LINGO1: variants seen among roughly 807,000 people sequenced by gnomAD.
LINGO1 encodes leucine-rich repeat and immunoglobulin-like domain-containing nogo receptor-interacting protein 1.
A neutral mutation model predicts 37.3 loss-of-function variants in LINGO1; 11 were observed. The ratio of observed to expected loss-of-function variants is 0.29; its 90% CI spans 0.19 to 0.49. LINGO1 has a LOEUF of 0.49. Ranked by LOEUF, LINGO1 falls within the 20% of genes least tolerant of loss-of-function variation. LINGO1 has a pLI of 0.99. For missense variants in LINGO1, 585 were observed against 878.2 expected, an observed-to-expected ratio of 0.67 and a Z score of 4.22; for synonymous variants, 387 against 403.0, an observed-to-expected ratio of 0.96 and a Z score of 0.48.
intron 1 of LINGO1, among the ~76,000 whole-genome samples, chr15:77,766,297 CAAA>C (rs71447163): frequency 2.0e-5 from 1 of 49,068 alleles, no homozygotes; most frequent in African/African-American, 8.4e-5. Context: ...GACCCTGTCT[CAAA>C]AAAAAAAAAA....
chr15:77,632,926 G>A (rs1467758099), upstream of LINGO1, among the ~76,000 whole-genome samples: 1 of 151,332 alleles, frequency 6.6e-6, no homozygotes, highest in East Asian at 2.0e-4. This position sits in a 1 kb window ranked among gnomAD's most constrained non-coding sequence, Gnocchi z 6.0. Context: ...AGCGAGCCAG[G>A]GAGGGAGGAG....
chr15:77,759,739 G>A (rs1332452838), intron 1 of LINGO1, among the ~76,000 whole-genome samples: 1 of 152,228 alleles, frequency 6.6e-6, no homozygotes, highest in Non-Finnish European at 1.5e-5. Flanking sequence ...GTTTACATGG[G>A]GGCGTCTACC....
chr15:77,754,700 T>C (rs2076403389), intron 1 of LINGO1, among the ~76,000 whole-genome samples: 1 of 152,302 alleles, frequency 6.6e-6, no homozygotes, highest in African/African-American at 2.4e-5. Flanking sequence ...CCTCCAGCCC[T>C]AGGCCCTGCC....
At chr15:77,801,593 G>GGTT (rs2076919159) in intron 1 of LINGO1, among the ~76,000 whole-genome samples, 1 of 147,822 alleles carries the variant, frequency 6.8e-6, no homozygotes, top group East Asian at 2.0e-4. Context: ...GAGTTAATGG[G>GGTT]TTTTTTTTTT....
At chr15:77,776,446 TTAGCAGGAAGGC>T (rs1289823145) in intron 1 of LINGO1, among the ~76,000 whole-genome samples, 72 of 17,764 alleles carry the variant, frequency 4.1e-3, no homozygotes, top group African/African-American at 0.013. Context: ...TCCCGGGGCT[TTAGCAGGAAGGC>T]AGGAAGGCAG....
chr15:77,671,172 GCC>G (rs10574052), intron 3 of LINGO1, among the ~76,000 whole-genome samples: 114,882 of 151,714 alleles, frequency 0.76, 44,529 homozygotes, highest in African/African-American at 0.93. Flanking sequence ...TGACTGTGGA[GCC>G]CTACCCAGGA....
chr15:77,753,448 G>A lies in LINGO1; in HGVS notation c.-256-18395C>T, dbSNP rs116636091. Among the ~76,000 whole-genome samples the A allele has an allele frequency of 4.9e-3, 749 of 152,348 alleles. 7 individuals carry two copies. Among genetic ancestry groups the A allele is most frequent in the African/African-American group, 0.017 (692 of 41,572 alleles). Reference sequence around the variant, plus strand: ...CTCTGCGGGCCTGGCTGAGCCAGGCGCTGTTCATGGTGCTGAATCTGGGAG... The same window carrying A: ...CTCTGCGGGCCTGGCTGAGCCAGGCACTGTTCATGGTGCTGAATCTGGGAG... On this transcript the variant is annotated intron_variant, in intron 1 of 3. Transcript: ENST00000561686.
At chr15:77,782,551 C>T (rs1486399989) in intron 1 of LINGO1, among the ~76,000 whole-genome samples, 1 of 152,158 alleles carries the variant, frequency 6.6e-6, no homozygotes. Context: ...TTACTGGCTC[C>T]TCAAACCCGG....
upstream of LINGO1, among the ~76,000 whole-genome samples, chr15:77,635,268 CCT>C (rs1377311821): frequency 1.3e-5 from 2 of 152,220 alleles, no homozygotes; most frequent in Non-Finnish European, 2.9e-5. Context: ...CCCAGCTCTC[CCT>C]GTTTTATTCC....
At chr15:77,729,712 T>C (rs1055091198) in intron 2 of LINGO1, among the ~76,000 whole-genome samples, 2 of 152,232 alleles carry the variant, frequency 1.3e-5, no homozygotes, top group Non-Finnish European at 2.9e-5. Context: ...CTACTCCTTC[T>C]CAAGGACTAT....
At chr15:77,658,081 G>A (rs28531079) in intron 3 of LINGO1, among the ~76,000 whole-genome samples, 7,266 of 152,190 alleles carry the variant, frequency 0.048, 607 homozygotes, top group African/African-American at 0.17. Flanking sequence ...CTGGACCAAC[G>A]GCCTGGCCCA....
chr15:77,811,437 C>T (rs1339612984), intron 1 of LINGO1, among the ~76,000 whole-genome samples: 1 of 152,174 alleles, frequency 6.6e-6, no homozygotes, highest in Non-Finnish European at 1.5e-5. Flanking sequence ...CCTCCCCTGC[C>T]TCTCCTGTGT....
chr15:77,646,521 T>C, intron 3 of LINGO1: 1 of 446,954 alleles, frequency 2.2e-6, no homozygotes, highest in Non-Finnish European at 4.5e-6. Flanking sequence ...GGTAAGTCTG[T>C]AAGCAGGTGT....
intron 2 of LINGO1, among the ~76,000 whole-genome samples, chr15:77,795,714 C>T (rs977795718): frequency 1.3e-5 from 2 of 152,222 alleles, no homozygotes; most frequent in Admixed American, 6.5e-5. Context: ...CGGCACTGTC[C>T]GTGAAACCCA....
intron 2 of LINGO1, among the ~76,000 whole-genome samples, chr15:77,702,530 AC>A (rs2075797881): frequency 6.6e-6 from 1 of 152,206 alleles, no homozygotes. Flanking sequence ...CATGCTCAGC[AC>A]AACATGCCAT....
intron 2 of LINGO1, among the ~76,000 whole-genome samples, chr15:77,705,520 G>A (rs961151012): frequency 6.6e-6 from 1 of 152,082 alleles, no homozygotes; most frequent in Non-Finnish European, 1.5e-5. Context: ...TGCCCCCACC[G>A]CCCAGCTGGC....
At chr15:77,729,873 TG>T (rs2076138459) in intron 2 of LINGO1, among the ~76,000 whole-genome samples, 1 of 152,260 alleles carries the variant, frequency 6.6e-6, no homozygotes, top group Admixed American at 6.5e-5. Context: ...TCCTTGCTAT[TG>T]CATCCTATTT....
intron 1 of LINGO1, among the ~76,000 whole-genome samples, chr15:77,755,817 A>C (rs1596193516): frequency 1.3e-5 from 2 of 150,918 alleles, no homozygotes; most frequent in East Asian, 1.9e-4. Context: ...CCACACTCCC[A>C]CCTCCTTCCC....
intron 1 of LINGO1, among the ~76,000 whole-genome samples, chr15:77,783,368 G>A (rs1228634042): frequency 2.0e-5 from 3 of 152,170 alleles, no homozygotes; most frequent in Non-Finnish European, 2.9e-5. Context: ...GAAAGGGCAG[G>A]CTGGCTCCAA....
Sources: allele counts gnomAD v4.1 joint callset (sites outside exome capture counted in the v4.1 genomes callset), GRCh38; gene constraint gnomAD v4.1.1; non-coding constraint Gnocchi (gnomAD v3.1); transcripts MANE v1.5; gene names NCBI Gene and HGNC (gene_info 2026-07-23, HGNC 2026-07-21).